The following MCF2L variants were observed in gnomAD, a reference collection of about 807,000 sequenced individuals.
MCF2L encodes the protein MCF.2 cell line derived transforming sequence like.
A neutral mutation model predicts 153.4 loss-of-function variants in MCF2L; 97 were observed. The ratio of observed to expected loss-of-function variants is 0.63; its 90% CI spans 0.54 to 0.75. MCF2L has a LOEUF of 0.75. MCF2L is among the 30% of genes least tolerant of loss of function. The probability of loss-of-function intolerance (pLI) is 0.00; values close to 1 mark genes in which losing one functional copy is unlikely to be tolerated. For synonymous variants in MCF2L, 659 were observed against 632.2 expected (o/e 1.04, Z -0.64); for missense variants, 1,347 against 1,495.2 (o/e 0.90, Z 1.64).
chr13:113,040,661 C>A, intron 3 of MCF2L: 1 of 152,922 alleles, frequency 6.5e-6, no homozygotes. Context: ...TGGCCTCCAC[C>A]TGCCCCTGCC....
chr13:112,918,163 G>A (rs760964768), intron 2 of MCF2L, among the ~76,000 whole-genome samples: 7 of 152,240 alleles, frequency 4.6e-5, no homozygotes, highest in East Asian at 1.9e-4. Context: ...TTAAGGGAAC[G>A]CACTGTGTCC....
chr13:113,073,147 G>C (rs1384407088), intron 9 of MCF2L, among the ~76,000 whole-genome samples: 7 of 147,522 alleles, frequency 4.7e-5, no homozygotes. Flanking sequence ...TTCCATTCTT[G>C]ATTTCAAGTT....
At position 112,993,273 on chromosome 13, in the gene MCF2L, C is replaced by T. The variant is rs963476391; in HGVS notation, c.80-21490C>T. ...TGTGAACATGGTGGCGGGGGAGCGC[C>T]GGGCACACAACATGGTGGGTGTTCC... On this transcript the variant is annotated intron_variant, in intron 1 of 29. Coordinates refer to ENST00000535094, the MANE Select transcript of MCF2L (RefSeq NM_001112732.3). This position sits in a 1 kb window ranked among gnomAD's most constrained non-coding sequence, Gnocchi z 4.6. Among the ~76,000 whole-genome samples the T allele has an allele frequency of 4.6e-5, 7 of 152,136 alleles. No homozygotes were observed. Among genetic ancestry groups the T allele is most frequent in the Non-Finnish European group, 8.8e-5 (6 of 68,028 alleles).
intron 1 of MCF2L, among the ~76,000 whole-genome samples, chr13:113,013,488 T>C (rs2084308267): frequency 6.6e-6 from 1 of 152,208 alleles, no homozygotes; most frequent in Non-Finnish European, 1.5e-5. Flanking sequence ...AGGGGCCCCT[T>C]TGTGTTCCAC....
chr13:113,057,579 G>GGGC (rs2030325659), intron 4 of MCF2L, among the ~76,000 whole-genome samples: 1 of 147,892 alleles, frequency 6.8e-6, no homozygotes, highest in African/African-American at 2.5e-5. Context: ...CTGTGTGTTT[G>GGGC]AGTGGTGTGT....
At chr13:113,084,709 G>A (rs183621177) in intron 18 of MCF2L, 183 bp from the exon 19 acceptor site, 22 of 604,032 alleles carry the variant, frequency 3.6e-5, no homozygotes, top group East Asian at 1.7e-4. Flanking sequence ...GCCCCCCAGC[G>A]GAGCCTGGGA....
intron 1 of MCF2L, among the ~76,000 whole-genome samples, chr13:112,900,382 C>T (rs370328676): frequency 2.0e-5 from 3 of 152,186 alleles, no homozygotes; most frequent in Admixed American, 1.3e-4. Context: ...GCATGAGATG[C>T]GCAGGCAGCC....
At chr13:113,047,140 C>T (rs1360225210) in intron 4 of MCF2L, 3 of 154,350 alleles carry the variant, frequency 1.9e-5, no homozygotes, top group African/African-American at 7.2e-5. Context: ...ACTTACTGAG[C>T]GAGAACTCAC....
At chr13:113,095,038 C>G in intron 27 of MCF2L, 1 of 1,372,774 alleles carries the variant, frequency 7.3e-7, no homozygotes, top group Non-Finnish European at 9.7e-7. Context: ...TCCCCACCCC[C>G]CTACCCTTTA....
intron 1 of MCF2L, among the ~76,000 whole-genome samples, chr13:112,992,204 C>A (rs1357831454): frequency 6.6e-6 from 1 of 152,184 alleles, no homozygotes; most frequent in Non-Finnish European, 1.5e-5. Context: ...CGGGTCACGT[C>A]CCAAATGTCT....
intron 2 of MCF2L, among the ~76,000 whole-genome samples, chr13:112,902,652 C>T (rs77938678): frequency 1.3e-5 from 2 of 152,228 alleles, no homozygotes; most frequent in East Asian, 3.9e-4. Flanking sequence ...AGTTTGGCTC[C>T]GGTTAGAGAT....
In MCF2L at chr13:112,979,436, C is replaced by T. The variant is rs1265609863; in HGVS notation, c.79+9978C>T. 5.0e-6 allele frequency: 7 copies of T among 1,408,272 alleles called. No homozygotes were observed. The East Asian group carries it at 1.9e-4, about 39-fold the overall frequency. The allele number at this position is 1,408,272 out of a possible 1,614,324, so 87.2% of individuals were successfully genotyped here. On this transcript the variant is annotated intron_variant, in intron 1 of 29. Transcript: ENST00000535094. ...GCCAGGCTCTGGGAGGCCGGGCACTCTGAGGAGGTGGCTCAGCCCTCTTGG... is the reference window on the plus strand; with the variant it reads ...GCCAGGCTCTGGGAGGCCGGGCACTTTGAGGAGGTGGCTCAGCCCTCTTGG...
intron 4 of MCF2L, among the ~76,000 whole-genome samples, chr13:113,051,401 C>T (rs775654587): frequency 1.3e-5 from 2 of 152,188 alleles, no homozygotes; most frequent in Non-Finnish European, 2.9e-5. Context: ...GGGGAGGCAG[C>T]CCGTGAGGCT....
chr13:112,954,784 C>T (rs2081737405), intron 2 of MCF2L, among the ~76,000 whole-genome samples: 1 of 152,176 alleles, frequency 6.6e-6, no homozygotes, highest in African/African-American at 2.4e-5. Flanking sequence ...TGCTCCTAGT[C>T]GCTGCTTTGC....
chr13:113,011,378 G>C (rs907038164), intron 1 of MCF2L, among the ~76,000 whole-genome samples: 1 of 152,274 alleles, frequency 6.6e-6, no homozygotes, highest in African/African-American at 2.4e-5. Context: ...GAGGCACTGC[G>C]GGCTGCCAGC....
intron 3 of MCF2L, chr13:113,040,437 T>TGTGTGTGTGTGTGTGTGTGTGTGTG (rs10528245): frequency 1.5e-4 from 22 of 142,970 alleles, no homozygotes; most frequent in East Asian, 3.8e-4. Flanking sequence ...TGTGTGTGTG[T>TGTGTGTGTGTGTGTGTGTGTGTGTG]TTCTTTTCCT....
chr13:113,056,152 C>T (rs1312759549), intron 4 of MCF2L, among the ~76,000 whole-genome samples: 1 of 152,210 alleles, frequency 6.6e-6, no homozygotes, highest in Non-Finnish European at 1.5e-5. Context: ...CTGCCCTGGA[C>T]GGGGAGGGCA....
In MCF2L at chr13:112,943,262, G is replaced by T. The variant is rs1314816147; in HGVS notation, c.169+40891G>T. ...GGGCGGCCACGCCTGTGCCCGCGGC[G>T]CCTGTGCTGAGTCCCGACGCTGTGC... is the stretch of plus-strand genomic sequence containing the variant. On this transcript the variant is annotated intron_variant, in intron 2 of 29. Coordinates refer to the MCF2L transcript ENST00000375608. The surrounding 1 kb of genome is among the most constrained non-coding windows in gnomAD (Gnocchi z 4.2). 1.3e-5 allele frequency among the ~76,000 whole-genome samples: 2 copies of T among 152,130 alleles called. No homozygotes were observed. The highest frequency in any genetic ancestry group is 4.8e-5 in the African/African-American group (2 of 41,424).
chr13:112,942,218 C>T (rs2081582475), intron 2 of MCF2L, among the ~76,000 whole-genome samples: 1 of 152,228 alleles, frequency 6.6e-6, no homozygotes, highest in South Asian at 2.1e-4. Context: ...GTACACCTGG[C>T]TTTCCCTTTT....
Sources: allele counts gnomAD v4.1 joint callset (sites outside exome capture counted in the v4.1 genomes callset), GRCh38; gene constraint gnomAD v4.1.1; non-coding constraint Gnocchi (gnomAD v3.1); transcripts MANE v1.5; gene names NCBI Gene and HGNC (gene_info 2026-07-23, HGNC 2026-07-21).